Variants in RIT2 observed in about 807,000 individuals in gnomAD.
The protein encoded by RIT2 is GTP-binding protein Rit2.
A neutral mutation model predicts 23.7 loss-of-function variants in RIT2; 24 were observed. The observed-to-expected ratio is 1.01, with a 90% confidence interval of 0.73 to 1.43. RIT2 has a LOEUF of 1.43. Ranked by LOEUF, RIT2 falls within the 40% of genes most tolerant of loss-of-function variation. The pLI, the probability that RIT2 is intolerant of heterozygous loss-of-function variation, is 0.00. For missense variants in RIT2, 236 were observed against 266.9 expected (o/e 0.88, Z 0.81); for synonymous variants, 107 against 91.1 (o/e 1.17, Z -0.99).
chr18:42,861,374 G>A (rs1408658380), intron 4 of RIT2, among the ~76,000 whole-genome samples: 1 of 152,190 alleles, frequency 6.6e-6, no homozygotes, highest in African/African-American at 2.4e-5. Context: ...TCTCCTGACT[G>A]ATTTGAGCAG....
At chr18:42,860,088 A>C (rs1384008816) in intron 4 of RIT2, among the ~76,000 whole-genome samples, 2 of 152,166 alleles carry the variant, frequency 1.3e-5, no homozygotes, top group Non-Finnish European at 2.9e-5. Context: ...TATCCTGGGG[A>C]CAAGTCTTTT....
chr18:42,901,494 A>C (rs1024755817), intron 4 of RIT2, among the ~76,000 whole-genome samples: 4 of 152,036 alleles, frequency 2.6e-5, no homozygotes, highest in African/African-American at 9.7e-5. Context: ...TGCAAGCAAA[A>C]ATTAGAATTT....
At chr18:43,048,363 G>T (rs1188969413) in intron 1 of RIT2, among the ~76,000 whole-genome samples, 1 of 152,104 alleles carries the variant, frequency 6.6e-6, no homozygotes, top group Non-Finnish European at 1.5e-5. Context: ...ATAATTCAAA[G>T]AATTAGGTAT....
chr18:42,800,515 A>AGTCTTTTTTTTTTTTTTTTTTTTTT lies in RIT2; in HGVS notation c.427-56796_427-56795insAAAAAAAAAAAAAAAAAAAAAAGAC, dbSNP rs778123657. 4.8e-5 allele frequency among the ~76,000 whole-genome samples: 2 copies of AGTCTTTTTTTTTTTTTTTTTTTTTT among 41,320 alleles called. 1 individual carries two copies. 27.1% of individuals were successfully genotyped at this position (41,320 alleles called of 152,430 possible). On this transcript the variant is annotated intron_variant, in intron 4 of 4. Transcript: ENST00000326695. ...TCCTCCATTTGTTTGAAGCAGTTAC[A>AGTCTTTTTTTTTTTTTTTTTTTTTT]TTCTTTTTTTTTTTTTTTTTTCTTT...
intron 1 of RIT2, among the ~76,000 whole-genome samples, chr18:43,101,502 T>C (rs1199621739): frequency 6.6e-6 from 1 of 152,058 alleles, no homozygotes; most frequent in African/African-American, 2.4e-5. Flanking sequence ...CCATAGGAAA[T>C]TAAAATGAGA....
intron 4 of RIT2, among the ~76,000 whole-genome samples, chr18:42,803,042 T>A (rs910738646): frequency 6.6e-6 from 1 of 152,160 alleles, no homozygotes; most frequent in Non-Finnish European, 1.5e-5. Flanking sequence ...CTTCTGTAAG[T>A]TGGAGACAAT....
In RIT2 at chr18:42,845,152, T is replaced by C. The variant is rs909540022; in HGVS notation, c.426+78420A>G. Among the ~76,000 whole-genome samples the C allele has an allele frequency of 2.6e-5, 4 of 151,922 alleles. No homozygotes were observed. The South Asian group carries it at 6.2e-4, about 24-fold the overall frequency. On this transcript the variant is annotated intron_variant, in intron 4 of 4. Transcript: ENST00000326695. ...GATGACAATACAGATTTAGTAGTAA[T>C]TGGCATATTGAAGACAACTGGAAAA...
chr18:42,829,315 G>T (rs1023216085), intron 4 of RIT2, among the ~76,000 whole-genome samples: 1 of 152,190 alleles, frequency 6.6e-6, no homozygotes, highest in Admixed American at 6.5e-5. Flanking sequence ...AATTACAAAA[G>T]TAAAAGTAAT....
At chr18:42,900,276 G>A (rs1206916628) in intron 4 of RIT2, among the ~76,000 whole-genome samples, 1 of 152,010 alleles carries the variant, frequency 6.6e-6, no homozygotes, top group Non-Finnish European at 1.5e-5. Flanking sequence ...ATATGGTATA[G>A]ACACTTAATG....
At chr18:42,774,054 A>C (rs1001722404) in intron 4 of RIT2, among the ~76,000 whole-genome samples, 1 of 152,204 alleles carries the variant, frequency 6.6e-6, no homozygotes, top group Non-Finnish European at 1.5e-5. Context: ...GTGAAAAGCA[A>C]TTCATCAGTG....
intron 4 of RIT2, among the ~76,000 whole-genome samples, chr18:42,749,640 G>C (rs1912999554): frequency 6.6e-6 from 1 of 151,668 alleles, no homozygotes; most frequent in African/African-American, 2.4e-5. Flanking sequence ...GTGTATATCA[G>C]TTCAGATACT....
At chr18:43,055,536 TTAAA>T (rs1912481317) in intron 1 of RIT2, among the ~76,000 whole-genome samples, 1 of 152,118 alleles carries the variant, frequency 6.6e-6, no homozygotes, top group Admixed American at 6.6e-5. Context: ...TCAAAAATGA[TTAAA>T]TAAAATATAT....
chr18:42,823,010 G>C (rs982350497), intron 4 of RIT2, among the ~76,000 whole-genome samples: 1 of 152,128 alleles, frequency 6.6e-6, no homozygotes, highest in Non-Finnish European at 1.5e-5. Context: ...ATGGTGGAAA[G>C]CCTATCCGTG....
At chr18:42,826,270 A>G (rs760105559) in intron 4 of RIT2, among the ~76,000 whole-genome samples, 3 of 152,096 alleles carry the variant, frequency 2.0e-5, no homozygotes, top group South Asian at 2.1e-4. Context: ...TGAAGCAGGT[A>G]GATGTTAAGT....
chr18:43,055,835 G>T (rs1028224315), intron 1 of RIT2, among the ~76,000 whole-genome samples: 1 of 152,182 alleles, frequency 6.6e-6, no homozygotes, highest in African/African-American at 2.4e-5. Context: ...TGTACCACAG[G>T]TCTAGTAGGC....
intron 4 of RIT2, among the ~76,000 whole-genome samples, chr18:42,874,671 G>A (rs1459881304): frequency 6.6e-6 from 1 of 151,976 alleles, no homozygotes; most frequent in Non-Finnish European, 1.5e-5. Flanking sequence ...CCTTTAATAA[G>A]GTTCTGGTCT....
intron 4 of RIT2, among the ~76,000 whole-genome samples, chr18:42,754,987 A>G (rs189699323): frequency 1.3e-3 from 195 of 152,326 alleles, no homozygotes; most frequent in Non-Finnish European, 1.8e-3. Context: ...CTTTTTAGCC[A>G]TGAATTCTCA....
At chr18:42,764,811 A>C in intron 4 of RIT2, among the ~76,000 whole-genome samples, 1 of 152,248 alleles carries the variant, frequency 6.6e-6, no homozygotes, top group East Asian at 1.9e-4. Flanking sequence ...GCCATCTCTG[A>C]GAAAGCTATG....
At chr18:42,781,142 C>T (rs1321110773) in intron 4 of RIT2, among the ~76,000 whole-genome samples, 1 of 151,646 alleles carries the variant, frequency 6.6e-6, no homozygotes, top group African/African-American at 2.4e-5. Context: ...AAAAGAAATC[C>T]ACTCTGAAAA....
Sources: gnomAD v4.1 joint callset for allele counts (sites outside exome capture counted in the v4.1 genomes callset) on GRCh38, gnomAD v4.1.1 for gene constraint, MANE v1.5 for transcripts, NCBI Gene and HGNC (gene_info 2026-07-23, HGNC 2026-07-21) for gene names.